The following ACOX1 variants were observed in gnomAD, a reference collection of about 807,000 sequenced individuals.
ACOX1 encodes the protein acyl-CoA oxidase 1.
ACOX1 carries 41 observed loss-of-function variants against 75.5 expected under a neutral mutation model. That is an observed-to-expected ratio of 0.54 (90% CI 0.42 to 0.70). ACOX1 has a LOEUF of 0.70. Among genes scored for constraint, ACOX1 ranks in the 30% least tolerant of loss-of-function variants. The pLI is 0.00. For missense variants in ACOX1, 630 were observed against 837.5 expected (o/e 0.75, Z 3.06); for synonymous variants, 303 against 298.8 (o/e 1.01, Z -0.15).
chr17:75,943,284 T>C lies in ACOX1; in HGVS notation c.*3464A>G, dbSNP rs560854568. 2 of 151,684 alleles carry C rather than the reference T, an allele frequency of 1.3e-5. No individual in the cohort carries two copies. Among genetic ancestry groups the C allele is most frequent in the South Asian group, 4.2e-4 (2 of 4,798 alleles). 9.4% of individuals were successfully genotyped at this position (151,684 alleles called of 1,614,324 possible). A position where few individuals can be genotyped will look rare whatever the true frequency, so the allele number is the denominator to read the frequency against. On this transcript the variant is annotated 3_prime_UTR_variant, in exon 14 of 14. Transcript: ENST00000293217. Reference sequence around the variant, plus strand: ...AGCTCACTCCTGTAATCCCAACCCTTTGGGAGGCCTGAGGTGGGAGGGTCA... The same window carrying C: ...AGCTCACTCCTGTAATCCCAACCCTCTGGGAGGCCTGAGGTGGGAGGGTCA...
Position 75,954,881 on chromosome 17 carries a change from T to C in ACOX1, c.774+685A>G, listed in dbSNP as rs117430036. Among the ~76,000 whole-genome samples, 215 of 151,186 alleles carry C rather than the reference T, an allele frequency of 1.4e-3. 1 individual carries two copies. In the East Asian group the frequency reaches 0.034, roughly 24 times the overall value. On this transcript the variant is annotated intron_variant, in intron 6 of 13. Transcript: ENST00000293217. Reference sequence around the variant, plus strand: ...CACCGCGCCCAGCCTTATTCCCTCCTTTTATGAGACGGAGTCTCACTCTGT... The same window carrying C: ...CACCGCGCCCAGCCTTATTCCCTCCCTTTATGAGACGGAGTCTCACTCTGT...
intron 2 of ACOX1, among the ~76,000 whole-genome samples, chr17:75,972,790 A>C (rs1453664134): frequency 6.6e-6 from 1 of 152,208 alleles, no homozygotes; most frequent in East Asian, 1.9e-4. Context: ...AGAAAGCTGC[A>C]GTACCCATGG....
At chr17:75,976,265 G>A (rs73997680) in intron 2 of ACOX1, among the ~76,000 whole-genome samples, 3,119 of 152,088 alleles carry the variant, frequency 0.021, 120 homozygotes, top group African/African-American at 0.07. Context: ...ACAACTTCCC[G>A]GTGTCCATGA....
chr17:75,975,739 C>T (rs927135833), intron 2 of ACOX1, among the ~76,000 whole-genome samples: 3 of 151,868 alleles, frequency 2.0e-5, no homozygotes, highest in Non-Finnish European at 4.4e-5. Context: ...GCCAGGAGTT[C>T]GAGACCAGCC....
chr17:75,953,715 G>C (rs1308853026), intron 6 of ACOX1, 95 bp from the exon 7 acceptor site: 1 of 1,390,570 alleles, frequency 7.2e-7, no homozygotes. Flanking sequence ...AGCAGCATCA[G>C]CATCACCTGG....
chr17:75,965,878 C>T (rs2065927325), intron 2 of ACOX1, among the ~76,000 whole-genome samples: 1 of 151,930 alleles, frequency 6.6e-6, no homozygotes, highest in Admixed American at 6.6e-5. Context: ...TCCTGTAATC[C>T]CAGCACTTCG....
rs573593153 is a variant in ACOX1 at position 75,950,291 on chromosome 17, G to A, written c.1299-394C>T. ...TGGAGTTTTCGCTCTTGTTGCCCAG[G>A]ATGGAGTGCAATAGCGCAATCTTGG... is the stretch of plus-strand genomic sequence containing the variant. On this transcript the variant is annotated intron_variant, in intron 9 of 13. Coordinates refer to ENST00000293217, the MANE Select transcript of ACOX1 (RefSeq NM_004035.7). The surrounding 1 kb of genome is among the most constrained non-coding windows in gnomAD (Gnocchi z 4.3). Among the ~76,000 whole-genome samples the A allele has an allele frequency of 4.6e-5, 7 of 151,278 alleles. No homozygotes were observed. The East Asian group carries it at 1.2e-3, about 25-fold the overall frequency.
At position 75,967,651 on chromosome 17, in the gene ACOX1, TATATACATACATATATATAC is replaced by T. The variant is rs1428833155; in HGVS notation, c.270-7296_270-7277del. ...ATATACATACATATATATACGTATATATATACATACATATATATACATATATATACGTATATATATACATA... is the reference window on the plus strand; with the variant it reads ...ATATACATACATATATATACGTATATATATATATACGTATATATATACATA... On this transcript the variant is annotated intron_variant, in intron 2 of 13. Transcript: ENST00000293217. 8.8e-4 allele frequency among the ~76,000 whole-genome samples: 90 copies of T among 102,438 alleles called. 1 individual carries two copies. The Middle Eastern group carries it at 0.016, about 18-fold the overall frequency. The allele number at this position is 102,438 out of a possible 152,430, so 67.2% of individuals were successfully genotyped here.
intron 2 of ACOX1, among the ~76,000 whole-genome samples, chr17:75,975,114 A>AT (rs1322206830): frequency 6.7e-6 from 1 of 150,028 alleles, no homozygotes; most frequent in Admixed American, 6.7e-5. Context: ...ATATACCCTT[A>AT]TTTTTCTATT....
In ACOX1 at chr17:75,949,331, G is replaced by C; in HGVS notation, c.1614C>G (p.Leu538=). ...GAATTTTGAGGAGTTTTTCTGAAAA[G>C]AGCTTAACTACCACATAGTGGCAAT... The part of the protein sequence containing the change: ...EAHCHYVVVK[L]FSEKLLKIQD... Residue 538 remains leucine, a synonymous_variant, in exon 12 of 14, where the codon CTC becomes CTG. Coordinates refer to ENST00000293217, the MANE Select transcript of ACOX1 (RefSeq NM_004035.7). 6.2e-7 allele frequency: 1 copy of C among 1,614,180 alleles called. No individual in the cohort carries two copies. The highest frequency in any genetic ancestry group is 8.5e-7 in the Non-Finnish European group (1 of 1,180,040).
At chr17:75,970,237 CA>C (rs1177908321) in intron 2 of ACOX1, among the ~76,000 whole-genome samples, 1 of 135,814 alleles carries the variant, frequency 7.4e-6, no homozygotes, top group Non-Finnish European at 1.6e-5. Flanking sequence ...AGCAAGCAAA[CA>C]AGGAAAACAA....
In ACOX1 at chr17:75,953,644, T is replaced by C. The variant is rs186959445; in HGVS notation, c.775-24A>G. On this transcript the variant is annotated intron_variant, in intron 6 of 13. Coordinates refer to ENST00000293217, the MANE Select transcript of ACOX1 (RefSeq NM_004035.7). Reference sequence around the variant, plus strand: ...ACCTGGAAGAAGAACGTGGAACTGATACTTCCTTCTTTTAAGCCCAAGAGG... The same window carrying C: ...ACCTGGAAGAAGAACGTGGAACTGACACTTCCTTCTTTTAAGCCCAAGAGG... 84 of 1,613,446 alleles carry C rather than the reference T, an allele frequency of 5.2e-5. No homozygotes were observed. The African/African-American group carries it at 1.1e-3, about 20-fold the overall frequency.
At chr17:75,970,473 T>G (rs55738776) in intron 2 of ACOX1, among the ~76,000 whole-genome samples, 7,538 of 152,084 alleles carry the variant, frequency 0.05, 204 homozygotes, top group East Asian at 0.095. Flanking sequence ...ACAGGGCAGG[T>G]GTATATCCGA....
intron 13 of ACOX1, 70 bp downstream of exon 13, chr17:75,948,181 C>T (rs968531875): frequency 3.5e-5 from 52 of 1,506,136 alleles, no homozygotes; most frequent in Non-Finnish European, 4.0e-5. Flanking sequence ...AAATCCCCTT[C>T]GAGAGGCCTT....
intron 2 of ACOX1, among the ~76,000 whole-genome samples, chr17:75,975,895 AAGAAAG>A (rs1314032023): frequency 2.0e-5 from 3 of 150,844 alleles, no homozygotes; most frequent in African/African-American, 7.4e-5. Flanking sequence ...GAGAAAGAAA[AAGAAAG>A]AGGAAGAGAA....
chr17:75,973,287 G>C (rs943737570), intron 2 of ACOX1: 4 of 349,902 alleles, frequency 1.1e-5, no homozygotes, highest in Non-Finnish European at 2.2e-5. Flanking sequence ...TCCAGATATT[G>C]CTGAGGCACT....
intron 2 of ACOX1, among the ~76,000 whole-genome samples, chr17:75,974,010 T>C (rs1263697697): frequency 6.6e-6 from 1 of 152,202 alleles, no homozygotes; most frequent in East Asian, 1.9e-4. Context: ...TTCCCACAGT[T>C]CATTTCGTAT....
intron 2 of ACOX1, among the ~76,000 whole-genome samples, chr17:75,974,862 T>C (rs941113267): frequency 1.3e-5 from 2 of 151,398 alleles, no homozygotes; most frequent in African/African-American, 2.4e-5. Flanking sequence ...CTGGCTAACA[T>C]GGTGAAACCC....
At chr17:75,962,920 T>C (rs1215143704) in intron 2 of ACOX1, among the ~76,000 whole-genome samples, 1 of 151,188 alleles carries the variant, frequency 6.6e-6, no homozygotes, top group Non-Finnish European at 1.5e-5. Context: ...TCACCTGAGG[T>C]TGGAGTTCAA....
Sources: gnomAD v4.1 joint callset for allele counts (sites outside exome capture counted in the v4.1 genomes callset) on GRCh38, gnomAD v4.1.1 for gene constraint, Gnocchi (gnomAD v3.1) non-coding constraint, MANE v1.5 for transcripts, NCBI Gene and HGNC (gene_info 2026-07-23, HGNC 2026-07-21) for gene names.